The following ADAMTSL3 variants were observed in gnomAD, a reference collection of about 807,000 sequenced individuals.
ADAMTSL3 encodes the protein ADAMTS-like protein 3.
Under a neutral mutation model 201.7 loss-of-function variants are expected in ADAMTSL3, and 128 were observed. That is an observed-to-expected ratio of 0.63 (90% CI 0.55 to 0.73). The LOEUF (loss-of-function observed/expected upper bound fraction) is 0.73, where lower values mean the gene tolerates loss of function less well. Ranked by LOEUF, ADAMTSL3 falls within the 30% of genes least tolerant of loss-of-function variation. The pLI is 0.00. For missense variants in ADAMTSL3, 1,990 were observed against 2,119.6 expected (o/e 0.94, Z 1.20); for synonymous variants, 738 against 748.4 (o/e 0.99, Z 0.23).
At chr15:83,718,024 A>G (rs1268387324) in intron 3 of ADAMTSL3, among the ~76,000 whole-genome samples, 1 of 152,208 alleles carries the variant, frequency 6.6e-6, no homozygotes, top group African/African-American at 2.4e-5. Context: ...GAAAAAAGAT[A>G]GAAGAAATTA....
chr15:83,875,182 G>T (rs1332561909), intron 9 of ADAMTSL3, among the ~76,000 whole-genome samples: 1 of 152,220 alleles, frequency 6.6e-6, no homozygotes, highest in African/African-American at 2.4e-5. Flanking sequence ...ATCTGACCAT[G>T]AGTGAAGGAG....
chr15:83,684,198 A>G (rs966944768), intron 2 of ADAMTSL3, among the ~76,000 whole-genome samples: 3 of 152,196 alleles, frequency 2.0e-5, no homozygotes, highest in Admixed American at 1.3e-4. Flanking sequence ...AATTAAATGG[A>G]TTAAATAAAT....
At chr15:83,971,781 A>G (rs1454203310) in intron 20 of ADAMTSL3, among the ~76,000 whole-genome samples, 1 of 150,654 alleles carries the variant, frequency 6.6e-6, no homozygotes, top group East Asian at 1.9e-4. Flanking sequence ...GTGAAATAAC[A>G]TTTATTATAT....
At chr15:83,917,244 TC>T (rs1263770552) in intron 16 of ADAMTSL3, among the ~76,000 whole-genome samples, 3 of 152,362 alleles carry the variant, frequency 2.0e-5, no homozygotes, top group African/African-American at 7.2e-5. Context: ...ACTTATATTT[TC>T]TAACCTATCT....
intron 20 of ADAMTSL3, among the ~76,000 whole-genome samples, chr15:83,976,751 G>A (rs2067295130): frequency 6.6e-6 from 1 of 152,078 alleles, no homozygotes; most frequent in Non-Finnish European, 1.5e-5. Context: ...TGGCAGTGAT[G>A]GGGAACGGCT....
chr15:84,033,963 G>T (rs987063907), intron 28 of ADAMTSL3, among the ~76,000 whole-genome samples: 1 of 152,138 alleles, frequency 6.6e-6, no homozygotes, highest in Non-Finnish European at 1.5e-5. Context: ...AATAATGGAA[G>T]AAAATTCCTA....
chr15:83,655,901 C>T, intron 2 of ADAMTSL3, 71 bp downstream of exon 2: 2 of 1,455,782 alleles, frequency 1.4e-6, no homozygotes, highest in South Asian at 2.4e-5. Context: ...TTATTGTATA[C>T]CACCTAAGAT....
At chr15:83,824,606 G>T (rs1489721027) in intron 6 of ADAMTSL3, among the ~76,000 whole-genome samples, 1 of 152,080 alleles carries the variant, frequency 6.6e-6, no homozygotes, top group East Asian at 1.9e-4. Context: ...TAGTTTCACT[G>T]ACCTAAAAAT....
chr15:83,863,158 T>C (rs1213931201), intron 8 of ADAMTSL3, among the ~76,000 whole-genome samples: 2 of 151,976 alleles, frequency 1.3e-5, no homozygotes, highest in Non-Finnish European at 2.9e-5. Context: ...TAGACTCCCA[T>C]ACAATAATAA....
intron 11 of ADAMTSL3, 59 bp from the exon 12 acceptor site, chr15:83,891,270 A>G: frequency 7.4e-7 from 1 of 1,346,706 alleles, no homozygotes; most frequent in Non-Finnish European, 1.1e-6. Context: ...ATATTCGTCA[A>G]TTAATGAATG....
chr15:83,788,641 TC>T (rs1450093724), intron 4 of ADAMTSL3, among the ~76,000 whole-genome samples: 2 of 152,166 alleles, frequency 1.3e-5, no homozygotes, highest in Non-Finnish European at 2.9e-5. Context: ...ACATACATTT[TC>T]CCCCAGTGTT....
At chr15:83,889,804 T>C (rs1596362107) in intron 10 of ADAMTSL3, among the ~76,000 whole-genome samples, 1 of 152,174 alleles carries the variant, frequency 6.6e-6, no homozygotes, top group Admixed American at 6.5e-5. Flanking sequence ...ACAGTTGGTA[T>C]TAATTGTCGT....
Position 84,016,367 on chromosome 15 carries a change from T to A in ADAMTSL3, c.4157-16T>A. 7.2e-7 allele frequency: 1 copy of A among 1,391,684 alleles called. No individual in the cohort carries two copies. Among genetic ancestry groups the A allele is most frequent in the Non-Finnish European group, 9.8e-7 (1 of 1,020,496 alleles). The allele number at this position is 1,391,684 out of a possible 1,614,324, so 86.2% of individuals were successfully genotyped here. A position where few individuals can be genotyped will look rare whatever the true frequency, so the allele number is the denominator to read the frequency against. The stretch of plus-strand genomic sequence containing the variant: ...AATGTCTAACTGGTAAAAGTGCTAC[T>A]TTTTTTTTTCCTCAGAACGAAGATG... On this transcript the variant is annotated splice_polypyrimidine_tract_variant and intron_variant, in intron 24 of 29. Transcript: ENST00000286744.
At chr15:83,816,451 T>C (rs2063772454) in intron 5 of ADAMTSL3, among the ~76,000 whole-genome samples, 2 of 152,218 alleles carry the variant, frequency 1.3e-5, no homozygotes, top group African/African-American at 4.8e-5. Context: ...TTGTTAATTT[T>C]GTGAAACTTC....
intron 2 of ADAMTSL3, among the ~76,000 whole-genome samples, chr15:83,692,090 T>C (rs1026827421): frequency 1.3e-5 from 2 of 152,150 alleles, no homozygotes; most frequent in Admixed American, 1.3e-4. Flanking sequence ...TCATAGACTG[T>C]AGTTTGCCTT....
At chr15:83,947,064 C>G (rs1278064585) in intron 19 of ADAMTSL3, among the ~76,000 whole-genome samples, 1 of 152,234 alleles carries the variant, frequency 6.6e-6, no homozygotes, top group African/African-American at 2.4e-5. Context: ...ATGGAGCTTT[C>G]TCCTGTTAGT....
At chr15:83,680,333 T>A (rs1457122840) in intron 2 of ADAMTSL3, among the ~76,000 whole-genome samples, 1 of 152,102 alleles carries the variant, frequency 6.6e-6, no homozygotes, top group African/African-American at 2.4e-5. Flanking sequence ...GCTCTTCTTA[T>A]GATGGTTTGT....
At chr15:83,838,057 G>A (rs775788454) in intron 6 of ADAMTSL3, 32 bp from the exon 7 acceptor site, 7 of 1,596,626 alleles carry the variant, frequency 4.4e-6, no homozygotes, top group Non-Finnish European at 6.0e-6. Flanking sequence ...CCTGGCTTTG[G>A]GCACCACTGA....
intron 7 of ADAMTSL3, among the ~76,000 whole-genome samples, chr15:83,850,442 G>A (rs776856904): frequency 1.3e-5 from 2 of 150,518 alleles, no homozygotes; most frequent in African/African-American, 2.4e-5. Flanking sequence ...ATACATATGT[G>A]TATATATATG....
Sources: allele counts gnomAD v4.1 joint callset (sites outside exome capture counted in the v4.1 genomes callset), GRCh38; gene constraint gnomAD v4.1.1; transcripts MANE v1.5; gene names NCBI Gene and HGNC (gene_info 2026-07-23, HGNC 2026-07-21).